The following HIP1 variants were observed in gnomAD, a reference collection of about 807,000 sequenced individuals.
HIP1 encodes huntingtin-interacting protein 1.
A neutral mutation model predicts 147.6 loss-of-function variants in HIP1; 65 were observed. That is an observed-to-expected ratio of 0.44 (90% CI 0.36 to 0.54). The LOEUF is 0.54. HIP1 is among the 20% of genes least tolerant of loss of function. HIP1 has a pLI of 0.00. For synonymous variants in HIP1, 479 were observed against 504.0 expected (o/e 0.95, Z 0.67); for missense variants, 1,061 against 1,299.6 (o/e 0.82, Z 2.82).
chr7:75,691,662 C>T (rs782800702), intron 1 of HIP1, among the ~76,000 whole-genome samples: 8 of 151,716 alleles, frequency 5.3e-5, no homozygotes, highest in Non-Finnish European at 1.0e-4. Context: ...TAGCCGGGCA[C>T]CTGTAATCCC....
chr7:75,674,597 A>T (rs1799835761), intron 1 of HIP1, among the ~76,000 whole-genome samples: 1 of 150,882 alleles, frequency 6.6e-6, no homozygotes, highest in South Asian at 2.1e-4. Context: ...GGTTCATGCC[A>T]TTCTCCTGCC....
chr7:75,721,038 C>CA (rs782224120), intron 1 of HIP1, among the ~76,000 whole-genome samples: 2,515 of 70,764 alleles, frequency 0.036, 59 homozygotes, highest in African/African-American at 0.089. Flanking sequence ...AACTCCATCT[C>CA]AAAAAAAAAA....
intron 1 of HIP1, among the ~76,000 whole-genome samples, chr7:75,623,364 G>T (rs1313141897): frequency 6.6e-6 from 1 of 152,134 alleles, no homozygotes; most frequent in Non-Finnish European, 1.5e-5. Context: ...GTGGGCTCAA[G>T]GTTTTCTTGT....
intron 1 of HIP1, among the ~76,000 whole-genome samples, chr7:75,696,746 C>T (rs574297176): frequency 9.2e-4 from 139 of 150,910 alleles, no homozygotes; most frequent in Middle Eastern, 6.8e-3. Flanking sequence ...ATTACAAGTG[C>T]CTGCCACCAC....
chr7:75,703,233 A>G (rs1246205006), intron 1 of HIP1, among the ~76,000 whole-genome samples: 6 of 152,132 alleles, frequency 3.9e-5, no homozygotes, highest in African/African-American at 1.4e-4. Context: ...TTGTAATCCC[A>G]GCTACTTGGG....
chr7:75,573,666 C>T, intron 8 of HIP1, 95 bp downstream of exon 8: 2 of 1,303,998 alleles, frequency 1.5e-6, no homozygotes, highest in East Asian at 2.3e-5. Flanking sequence ...GCCAAAGGCA[C>T]TGAGAAGGAC....
intron 1 of HIP1, among the ~76,000 whole-genome samples, 195 bp from the exon 2 acceptor site, chr7:75,599,442 C>A (rs1225779334): frequency 1.3e-5 from 2 of 152,164 alleles, no homozygotes; most frequent in East Asian, 3.9e-4. Flanking sequence ...GCTGGCTGGG[C>A]CGTCCTGAGG....
At chr7:75,648,434 C>G (rs1329735033) in intron 1 of HIP1, among the ~76,000 whole-genome samples, 1 of 152,094 alleles carries the variant, frequency 6.6e-6, no homozygotes, top group Non-Finnish European at 1.5e-5. Context: ...TCAGTGTTCT[C>G]CCTGAACACT....
chr7:75,581,049 T>G (rs1486154427), intron 7 of HIP1, among the ~76,000 whole-genome samples, 188 bp downstream of exon 7: 2 of 152,074 alleles, frequency 1.3e-5, no homozygotes, highest in Non-Finnish European at 2.9e-5. Flanking sequence ...GCCGAGACCT[T>G]GTCTCTTAAA....
intron 1 of HIP1, among the ~76,000 whole-genome samples, chr7:75,612,316 C>T (rs1797470022): frequency 6.6e-6 from 1 of 152,134 alleles, no homozygotes; most frequent in South Asian, 2.1e-4. Flanking sequence ...TCCAGACCAG[C>T]CTGGCCGACA....
At chr7:75,722,033 G>A (rs1051516979) in intron 1 of HIP1, among the ~76,000 whole-genome samples, 5 of 152,230 alleles carry the variant, frequency 3.3e-5, no homozygotes, top group Non-Finnish European at 5.9e-5. Context: ...GCTAGGCGTG[G>A]TGGCTCACAC....
rs1454105260 is a variant in HIP1 at position 75,555,400 on chromosome 7, G to T, written c.1963+16C>A. ...TAAGGACCTGGCCCCTGCCAGCTGG[G>T]CAATTGCAAGTGTACCTGCAGACCC... On this transcript the variant is annotated intron_variant, in intron 19 of 30. Coordinates refer to ENST00000336926, the MANE Select transcript of HIP1 (RefSeq NM_005338.7). 6.2e-7 allele frequency: 1 copy of T among 1,612,880 alleles called. No homozygotes were observed. The highest frequency in any genetic ancestry group is 8.5e-7 in the Non-Finnish European group (1 of 1,179,972).
chr7:75,546,538 A>C (rs1348224229), intron 25 of HIP1, among the ~76,000 whole-genome samples: 2 of 152,238 alleles, frequency 1.3e-5, no homozygotes, highest in Admixed American at 6.5e-5. Context: ...AGCAGAGTCT[A>C]TTTGTAAGGG....
At chr7:75,671,052 T>A (rs1304573405) in intron 1 of HIP1, among the ~76,000 whole-genome samples, 1 of 152,102 alleles carries the variant, frequency 6.6e-6, no homozygotes, top group Non-Finnish European at 1.5e-5. Flanking sequence ...GTCCTCAAGG[T>A]TCACCCATGT....
intron 1 of HIP1, among the ~76,000 whole-genome samples, chr7:75,730,210 G>A (rs1801792051): frequency 6.6e-6 from 1 of 152,036 alleles, no homozygotes; most frequent in African/African-American, 2.4e-5. Flanking sequence ...GAAGTGGGGT[G>A]AGGACAACGC....
intron 7 of HIP1, among the ~76,000 whole-genome samples, chr7:75,574,365 G>C (rs1409793563): frequency 1.3e-5 from 2 of 151,880 alleles, no homozygotes; most frequent in Non-Finnish European, 2.9e-5. Context: ...GAGGCGGGTG[G>C]ATCGCCTGAG....
chr7:75,712,594 A>C (rs139858072), intron 1 of HIP1, among the ~76,000 whole-genome samples: 3 of 152,256 alleles, frequency 2.0e-5, no homozygotes, highest in Non-Finnish European at 2.9e-5. Context: ...GAATCCATTC[A>C]ATCATTCATT....
chr7:75,584,262 C>A (rs587689382), intron 5 of HIP1, among the ~76,000 whole-genome samples: 1 of 151,166 alleles, frequency 6.6e-6, no homozygotes, highest in African/African-American at 2.4e-5. Context: ...CCGCGCCTGG[C>A]CAAAAAAAAT....
intron 22 of HIP1, among the ~76,000 whole-genome samples, chr7:75,552,106 G>A (rs1245238536): frequency 6.6e-6 from 1 of 152,054 alleles, no homozygotes; most frequent in Admixed American, 6.6e-5. Context: ...GGCCAGGCTG[G>A]TCTAGAACTC....
Sources: allele counts gnomAD v4.1 joint callset (sites outside exome capture counted in the v4.1 genomes callset), GRCh38; gene constraint gnomAD v4.1.1; transcripts MANE v1.5; gene names NCBI Gene and HGNC (gene_info 2026-07-23, HGNC 2026-07-21).